DNM3: variants seen among roughly 807,000 people sequenced by gnomAD.
The protein encoded by DNM3 is dynamin 3, also known as dynamin-3.
A neutral mutation model predicts 101.6 loss-of-function variants in DNM3; 47 were observed. That is an observed-to-expected ratio of 0.46 (90% CI 0.37 to 0.59). The LOEUF (loss-of-function observed/expected upper bound fraction) is 0.59, where lower values mean the gene tolerates loss of function less well. Ranked by LOEUF, DNM3 falls within the 20% of genes least tolerant of loss-of-function variation. The pLI, the probability that DNM3 is intolerant of heterozygous loss-of-function variation, is 0.00. For synonymous variants in DNM3, 385 were observed against 387.9 expected (o/e 0.99, Z 0.09); for missense variants, 849 against 1,085.7 (o/e 0.78, Z 3.06).
intron 14 of DNM3, among the ~76,000 whole-genome samples, chr1:172,170,464 G>T (rs986939129): frequency 1.3e-5 from 2 of 151,774 alleles, no homozygotes; most frequent in African/African-American, 2.4e-5. Flanking sequence ...TAATCTCTGG[G>T]TCTCTTCAGT....
chr1:172,052,226 CT>C (rs2050254961), intron 10 of DNM3, among the ~76,000 whole-genome samples: 1 of 152,146 alleles, frequency 6.6e-6, no homozygotes, highest in Non-Finnish European at 1.5e-5. Flanking sequence ...ACACCCCCTT[CT>C]TATCCTTGTC....
chr1:172,381,751 CACA>C (rs946169676), intron 18 of DNM3, among the ~76,000 whole-genome samples: 1 of 151,994 alleles, frequency 6.6e-6, no homozygotes, highest in African/African-American at 2.4e-5. Flanking sequence ...ATAATAAAAT[CACA>C]ACGAGAAAAC....
At chr1:172,344,888 A>C (rs535869143) in intron 17 of DNM3, among the ~76,000 whole-genome samples, 18 of 152,350 alleles carry the variant, frequency 1.2e-4, no homozygotes, top group African/African-American at 3.8e-4. Flanking sequence ...ATATGTGTAC[A>C]TGTGCTCACA....
chr1:172,165,956 T>C (rs1391667199), intron 14 of DNM3, among the ~76,000 whole-genome samples: 1 of 152,050 alleles, frequency 6.6e-6, no homozygotes, highest in Non-Finnish European at 1.5e-5. Context: ...GTGCTTGGAA[T>C]ATAAAGCATA....
chr1:171,974,174 A>G (rs887799585), intron 2 of DNM3, among the ~76,000 whole-genome samples: 1 of 152,190 alleles, frequency 6.6e-6, no homozygotes, highest in African/African-American at 2.4e-5. Flanking sequence ...ACTAAGTATT[A>G]TTAAATAATG....
intron 1 of DNM3, among the ~76,000 whole-genome samples, chr1:171,857,556 T>C (rs528087288): frequency 2.0e-5 from 3 of 152,290 alleles, no homozygotes; most frequent in East Asian, 1.9e-4. Flanking sequence ...AACATCCCGT[T>C]TGAACACTCT....
intron 15 of DNM3, among the ~76,000 whole-genome samples, chr1:172,297,120 G>A (rs188201784): frequency 7.0e-6 from 1 of 142,470 alleles, no homozygotes; most frequent in East Asian, 2.0e-4. Context: ...TCCAGCCGGG[G>A]CAACAGAGCA....
At chr1:172,155,094 T>C (rs1191782340) in intron 14 of DNM3, among the ~76,000 whole-genome samples, 5 of 152,076 alleles carry the variant, frequency 3.3e-5, no homozygotes, top group Non-Finnish European at 7.4e-5. Flanking sequence ...AGTTTAAATA[T>C]GTTATGAGAT....
intron 1 of DNM3, among the ~76,000 whole-genome samples, chr1:171,854,765 G>A (rs560844727): frequency 4.6e-5 from 7 of 150,928 alleles, no homozygotes; most frequent in Admixed American, 1.3e-4. Flanking sequence ...TTGTGGAGAC[G>A]GGGTTTCACC....
intron 17 of DNM3, among the ~76,000 whole-genome samples, chr1:172,327,332 A>G (rs369482168): frequency 6.7e-4 from 102 of 152,308 alleles, no homozygotes; most frequent in African/African-American, 2.4e-3. Flanking sequence ...GATAAAATTT[A>G]CCAAGTCAAA....
chr1:172,322,390 C>A (rs924822997), intron 16 of DNM3, among the ~76,000 whole-genome samples: 5 of 152,198 alleles, frequency 3.3e-5, no homozygotes, highest in African/African-American at 9.6e-5. Context: ...CATATCCCAT[C>A]ACGTCTCCCC....
chr1:172,294,776 GGA>G (rs542202533), intron 15 of DNM3, among the ~76,000 whole-genome samples: 15,237 of 151,866 alleles, frequency 0.1, 1,069 homozygotes, highest in African/African-American at 0.2. Context: ...AGCCAGGCTG[GGA>G]CTGCAAGGCT....
chr1:172,203,345 C>T (rs2060216446), intron 14 of DNM3, among the ~76,000 whole-genome samples: 1 of 152,166 alleles, frequency 6.6e-6, no homozygotes, highest in East Asian at 1.9e-4. Flanking sequence ...TGTTCCGCCT[C>T]TTTTGGTCAG....
chr1:172,401,348 G>A (rs554544019), intron 20 of DNM3, among the ~76,000 whole-genome samples: 40 of 152,166 alleles, frequency 2.6e-4, no homozygotes, highest in Admixed American at 2.2e-3. Context: ...CACAGAAGTG[G>A]GTATATTAGG....
intron 4 of DNM3, among the ~76,000 whole-genome samples, chr1:172,023,226 T>C (rs375856923): frequency 6.6e-6 from 1 of 152,140 alleles, no homozygotes; most frequent in East Asian, 1.9e-4. Context: ...TACTGGGATC[T>C]ATACCATCCT....
At chr1:172,063,775 CAAAAA>C (rs11317272) in intron 10 of DNM3, among the ~76,000 whole-genome samples, 2 of 87,726 alleles carry the variant, frequency 2.3e-5, no homozygotes, top group Admixed American at 1.2e-4. Context: ...GAGACTTTGT[CAAAAA>C]AAAAAAAAAA....
At chr1:172,227,271 G>GATATATAT (rs140087796) in intron 14 of DNM3, among the ~76,000 whole-genome samples, 3,719 of 77,584 alleles carry the variant, frequency 0.048, 195 homozygotes, top group Non-Finnish European at 0.064. Flanking sequence ...AGTATTTTGT[G>GATATATAT]ATATATATAT....
intron 17 of DNM3, among the ~76,000 whole-genome samples, chr1:172,357,273 G>A (rs755208126): frequency 2.3e-4 from 35 of 151,942 alleles, no homozygotes; most frequent in Non-Finnish European, 3.8e-4. Context: ...AATATCACCC[G>A]CAAGATACTT....
At chr1:171,936,478 T>C (rs115280236) in intron 2 of DNM3, among the ~76,000 whole-genome samples, 1,746 of 152,316 alleles carry the variant, frequency 0.011, 33 homozygotes, top group African/African-American at 0.039. Flanking sequence ...CTCTAAATGC[T>C]ACTATATTGT....
Sources: allele counts gnomAD v4.1 joint callset (sites outside exome capture counted in the v4.1 genomes callset), GRCh38; gene constraint gnomAD v4.1.1; transcripts MANE v1.5; gene names NCBI Gene and HGNC (gene_info 2026-07-23, HGNC 2026-07-21).